UGT2B17: variants seen among roughly 807,000 people sequenced by gnomAD.
The protein encoded by UGT2B17 is UDP-glucuronosyltransferase 2B17.
A neutral mutation model predicts 48.2 loss-of-function variants in UGT2B17; 21 were observed. The observed-to-expected ratio is 0.44, with a 90% confidence interval of 0.31 to 0.63. The LOEUF (loss-of-function observed/expected upper bound fraction) is 0.63. Ranked by LOEUF, UGT2B17 falls within the 20% of genes least tolerant of loss-of-function variation. The pLI, the probability that UGT2B17 is intolerant of heterozygous loss-of-function variation, is 0.08. For synonymous variants in UGT2B17, 146 were observed against 238.4 expected (o/e 0.61, Z 3.57); for missense variants, 402 against 696.1 (o/e 0.58, Z 4.75).
chr4:68,556,735 C>T (rs1465525832), intron 4 of UGT2B17, among the ~76,000 whole-genome samples: 1 of 125,492 alleles, frequency 8.0e-6, no homozygotes, highest in Non-Finnish European at 1.7e-5. Flanking sequence ...TTTTGAAAAA[C>T]AAACTTATTT....
In UGT2B17 at chr4:68,541,489, G is replaced by T. The variant is rs1730654928; in HGVS notation, c.1314-3585C>A. ...TATATCCTTTGCCCACTTTTTGGTG[G>T]TGGTGTTTTTTTTCTTGTAAATTTG... On this transcript the variant is annotated intron_variant, in intron 6 of 6. Coordinates refer to ENST00000317746, the MANE Select transcript of UGT2B17 (RefSeq NM_001077.4). Among the ~76,000 whole-genome samples, 2 of 125,212 alleles carry T rather than the reference G, an allele frequency of 1.6e-5. 1 individual carries two copies. The allele number at this position is 125,212 out of a possible 152,430, so 82.1% of individuals were successfully genotyped here.
Position 68,568,434 on chromosome 4 carries a change from G to T in UGT2B17, c.51C>A (p.Tyr17Ter). The T allele has an allele frequency of 7.3e-7, 1 of 1,369,490 alleles. No individual in the cohort carries two copies. The highest frequency in any genetic ancestry group is 9.5e-7 in the Non-Finnish European group (1 of 1,052,780). The allele number at this position is 1,369,490 out of a possible 1,614,324, so 84.8% of individuals were successfully genotyped here. ...CCTTTCCACAACTCCCAGAGCTAAA[G>T]TAACAACTGAGCTGCATCAGCAGAA... The part of the protein sequence containing the change: ...SVFLLMQLSC[Y>*]FSSGSCGKVL... The change falls in exon 2 of 7, where the codon TAC becomes TAA. Residue 17 changes from tyrosine (Y) to a stop codon, truncating the protein, a stop_gained. Coordinates refer to ENST00000317746, the MANE Select transcript of UGT2B17 (RefSeq NM_001077.4). LOFTEE classifies it high-confidence loss of function.
At position 68,563,421 on chromosome 4, in the gene UGT2B17, C is replaced by G. The variant is rs1369691409; in HGVS notation, c.873+2151G>C. ...GGTCAGGAGTTCGAGACCAGCCTGG[C>G]CAACATGGCGAAACTCTGTCTCTAC... On this transcript the variant is annotated intron_variant, in intron 3 of 6. Transcript: ENST00000317746. Among the ~76,000 whole-genome samples, 9 of 126,312 alleles carry G rather than the reference C, an allele frequency of 7.1e-5. 2 individuals carry two copies. The highest frequency in any genetic ancestry group is 2.4e-4 in the African/African-American group (9 of 37,068). 82.9% of individuals were successfully genotyped at this position (126,312 alleles called of 152,430 possible). A position where few individuals can be genotyped will look rare whatever the true frequency, so the allele number is the denominator to read the frequency against.
chr4:68,545,730 G>A (rs1730789802), intron 6 of UGT2B17, among the ~76,000 whole-genome samples: 1 of 125,106 alleles, frequency 8.0e-6, no homozygotes. Flanking sequence ...GAATAAAAAT[G>A]ATTAAGGGGG....
In UGT2B17 at chr4:68,537,763, G is replaced by A. The variant is rs1444806298; in HGVS notation, c.1455C>T (p.Thr485=). The A allele has an allele frequency of 2.2e-6, 3 of 1,379,854 alleles. No individual in the cohort carries two copies. Among genetic ancestry groups the A allele is most frequent in the African/African-American group, 1.5e-5 (1 of 68,108 alleles). The allele number at this position is 1,379,854 out of a possible 1,614,324, so 85.5% of individuals were successfully genotyped here. ...CATCCAAAGAGTGGTACTGGATCCA[G>A]GTGAGGTTGTGGGCTGCGACCCGAA... is the stretch of plus-strand genomic sequence containing the variant. ...KHLRVAAHNL[T]WIQYHSLDVI... The change falls in exon 7 of 7, where the codon ACC becomes ACT. Residue 485 remains threonine, a synonymous_variant. Transcript: ENST00000317746.
rs770112956 is a variant in UGT2B17, at chr4:68,564,944, G to C, written c.873+628C>G. ...GCTGGTCTCAAACTCCTGAGCCCAA[G>C]CAATCGTCCCTTCTCTGCCTCCCAA... On this transcript the variant is annotated intron_variant, in intron 3 of 6. Coordinates refer to ENST00000317746, the MANE Select transcript of UGT2B17 (RefSeq NM_001077.4). 6.4e-5 allele frequency among the ~76,000 whole-genome samples: 8 copies of C among 125,438 alleles called. 3 individuals carry two copies. The highest frequency in any genetic ancestry group is 1.3e-4 in the Non-Finnish European group (8 of 59,368). The allele number at this position is 125,438 out of a possible 152,430, so 82.3% of individuals were successfully genotyped here.
chr4:68,542,903 T>C (rs1482236912), intron 6 of UGT2B17, among the ~76,000 whole-genome samples: 1 of 126,452 alleles, frequency 7.9e-6, no homozygotes, highest in Non-Finnish European at 1.7e-5. Flanking sequence ...GAGGGGCGCC[T>C]GCCATTCCCA....
At position 68,564,292 on chromosome 4, in the gene UGT2B17, A is replaced by ATTTTT. The variant is rs1341012731; in HGVS notation, c.873+1279_873+1280insAAAAA. 8.9e-4 allele frequency among the ~76,000 whole-genome samples: 76 copies of ATTTTT among 84,968 alleles called. 6 individuals are homozygous for ATTTTT. Among genetic ancestry groups the ATTTTT allele is most frequent in the African/African-American group, 4.2e-3 (73 of 17,226 alleles). The allele number at this position is 84,968 out of a possible 152,430, so 55.7% of individuals were successfully genotyped here. On this transcript the variant is annotated intron_variant, in intron 3 of 6. Transcript: ENST00000317746. ...AAATTTCATATATATATATATATAT[A>ATTTTT]TATTTTTTTTTTTTGAGACAGAGTC...
At chr4:68,568,611 T>C in intron 1 of UGT2B17, 63 bp from the exon 2 acceptor site, 1 of 1,081,894 alleles carries the variant, frequency 9.2e-7, no homozygotes, top group Non-Finnish European at 1.2e-6. Context: ...TCATATTTAT[T>C]TTAGTGTGTT....
rs1196805873 is a variant in UGT2B17 at position 68,575,814 on chromosome 4, G to A, written c.-65+137C>T. ...TACACTTCCATTCAGGTGGAGTGGG[G>A]CAAGTTCAAAAGACTAGTCCTACCA... On this transcript the variant is annotated intron_variant, in intron 1 of 6. Transcript: ENST00000317746. Among the ~76,000 whole-genome samples, 2 of 122,828 alleles carry A rather than the reference G, an allele frequency of 1.6e-5. 1 individual carries two copies. The highest frequency in any genetic ancestry group is 1.6e-3 in the East Asian group (2 of 1,252). 80.6% of individuals were successfully genotyped at this position (122,828 alleles called of 152,430 possible).
Position 68,561,508 on chromosome 4 carries a change from A to G in UGT2B17, c.874-840T>C, listed in dbSNP as rs1578170595. Among the ~76,000 whole-genome samples the G allele has an allele frequency of 1.6e-5, 2 of 124,258 alleles. 1 individual carries two copies. The highest frequency in any genetic ancestry group is 7.7e-4 in the South Asian group (2 of 2,598). 81.5% of individuals were successfully genotyped at this position (124,258 alleles called of 152,430 possible). ...GTCCTGAAATCACACTGTGAAATTG[A>G]TGTGCTATTTATAACTTACCATGAG... On this transcript the variant is annotated intron_variant, in intron 3 of 6. Coordinates refer to ENST00000317746, the MANE Select transcript of UGT2B17 (RefSeq NM_001077.4).
rs1394849228 is a variant in UGT2B17 at position 68,569,893 on chromosome 4, C to G, written c.-64-1345G>C. Among the ~76,000 whole-genome samples the G allele has an allele frequency of 1.6e-5, 2 of 126,614 alleles. 1 individual carries two copies. The highest frequency in any genetic ancestry group is 3.4e-5 in the Non-Finnish European group (2 of 59,576). The allele number at this position is 126,614 out of a possible 152,430, so 83.1% of individuals were successfully genotyped here. On this transcript the variant is annotated intron_variant, in intron 1 of 6. Coordinates refer to ENST00000317746, the MANE Select transcript of UGT2B17 (RefSeq NM_001077.4). ...AACAGCACGCTGCTCCGCACTGCCTCGTGTTGTCTGTTGGCATGCTCTCAG... is the reference window on the plus strand; with the variant it reads ...AACAGCACGCTGCTCCGCACTGCCTGGTGTTGTCTGTTGGCATGCTCTCAG...
intron 1 of UGT2B17, among the ~76,000 whole-genome samples, chr4:68,573,852 C>T (rs1366367137): frequency 2.4e-5 from 3 of 126,894 alleles, no homozygotes; most frequent in Non-Finnish European, 5.0e-5. Flanking sequence ...CCGTGAGAGA[C>T]AGGAAGTGAA....
rs960615781 is a variant in UGT2B17, at chr4:68,547,062, A to T, written c.1313+3615T>A. On this transcript the variant is annotated intron_variant, in intron 6 of 6. Transcript: ENST00000317746. ...AGCTACCAATGACTTTCTTCACAGA[A>T]TTGGAAAAAACTACTTGAATTCATA... is the stretch of plus-strand genomic sequence containing the variant. Among the ~76,000 whole-genome samples, 4 of 54,342 alleles carry T rather than the reference A, an allele frequency of 7.4e-5. 1 individual carries two copies. In the Admixed American group the frequency reaches 1.0e-3, roughly 14 times the overall value. The allele number at this position is 54,342 out of a possible 152,430, so 35.7% of individuals were successfully genotyped here. A position where few individuals can be genotyped will look rare whatever the true frequency, so the allele number is the denominator to read the frequency against.
At position 68,548,575 on chromosome 4, in the gene UGT2B17, TA is replaced by T. The variant is rs1316042167; in HGVS notation, c.1313+2101del. On this transcript the variant is annotated intron_variant, in intron 6 of 6. Coordinates refer to ENST00000317746, the MANE Select transcript of UGT2B17 (RefSeq NM_001077.4). The stretch of plus-strand genomic sequence containing the variant: ...AGATACCCTAAAACTTAAAGTATAA[TA>T]AAAAAAATTACTTTGGGCAGCATGG... Among the ~76,000 whole-genome samples, 17 of 124,736 alleles carry T rather than the reference TA, an allele frequency of 1.4e-4. 3 individuals carry two copies. Among genetic ancestry groups the T allele is most frequent in the African/African-American group, 4.1e-4 (15 of 36,582 alleles). The allele number at this position is 124,736 out of a possible 152,430, so 81.8% of individuals were successfully genotyped here. A position where few individuals can be genotyped will look rare whatever the true frequency, so the allele number is the denominator to read the frequency against.
rs560467681 is a variant in UGT2B17 at position 68,549,408 on chromosome 4, A to T, written c.1313+1269T>A. Among the ~76,000 whole-genome samples the T allele has an allele frequency of 4.0e-5, 5 of 124,758 alleles. 1 individual carries two copies. Among genetic ancestry groups the T allele is most frequent in the African/African-American group, 1.1e-4 (4 of 36,842 alleles). The allele number at this position is 124,758 out of a possible 152,430, so 81.8% of individuals were successfully genotyped here. ...AAAATATATGAAAATCGTATATTTG[A>T]TAAGGGATAGTATCTATAACATATT... On this transcript the variant is annotated intron_variant, in intron 6 of 6. Transcript: ENST00000317746.
Position 68,558,378 on chromosome 4 carries a change from A to G in UGT2B17, c.1005+2159T>C, listed in dbSNP as rs1731041677. On this transcript the variant is annotated intron_variant, in intron 4 of 6. Coordinates refer to ENST00000317746, the MANE Select transcript of UGT2B17 (RefSeq NM_001077.4). ...TTCCTCCCCTTCCACAATTTTTCCT[A>G]ATTTGGAGTCACTGTAAACTAAGCT... 1.6e-5 allele frequency among the ~76,000 whole-genome samples: 2 copies of G among 125,166 alleles called. 1 individual carries two copies. The highest frequency in any genetic ancestry group is 3.4e-5 in the Non-Finnish European group (2 of 59,054). 82.1% of individuals were successfully genotyped at this position (125,166 alleles called of 152,430 possible).
intron 4 of UGT2B17, among the ~76,000 whole-genome samples, chr4:68,557,822 G>C (rs1731029543): frequency 1.6e-5 from 2 of 124,856 alleles, no homozygotes; most frequent in Admixed American, 1.6e-4. Context: ...CTTAACTTAT[G>C]GAGCCAATAA....
chr4:68,557,403 T>C lies in UGT2B17; in HGVS notation c.1005+3134A>G, dbSNP rs1326713509. Among the ~76,000 whole-genome samples the C allele has an allele frequency of 3.2e-5, 4 of 125,030 alleles. 1 individual carries two copies. The highest frequency in any genetic ancestry group is 6.8e-5 in the Non-Finnish European group (4 of 59,058). 82.0% of individuals were successfully genotyped at this position (125,030 alleles called of 152,430 possible). Reference sequence around the variant, plus strand: ...ATGGAAGAAAAACTTTCAGGACTCATGGAGAACTAAAATGTTCATGAATAT... The same window carrying C: ...ATGGAAGAAAAACTTTCAGGACTCACGGAGAACTAAAATGTTCATGAATAT... On this transcript the variant is annotated intron_variant, in intron 4 of 6. Coordinates refer to ENST00000317746, the MANE Select transcript of UGT2B17 (RefSeq NM_001077.4).
Sources: gnomAD v4.1 joint callset for allele counts (sites outside exome capture counted in the v4.1 genomes callset) on GRCh38, gnomAD v4.1.1 for gene constraint, MANE v1.5 for transcripts, NCBI Gene and HGNC (gene_info 2026-07-23, HGNC 2026-07-21) for gene names.